Variants in NELL1 observed in about 807,000 individuals in gnomAD.
NELL1 encodes the protein neural EGFL like 1.
NELL1 carries 76 observed loss-of-function variants against 107.4 expected under a neutral mutation model. That is an observed-to-expected ratio of 0.71 (90% CI 0.59 to 0.86). NELL1 has a LOEUF of 0.86. Among genes scored for constraint, NELL1 ranks in the 40% least tolerant of loss-of-function variants. NELL1 has a pLI of 0.00. For missense variants in NELL1, 1,024 were observed against 1,005.5 expected, an observed-to-expected ratio of 1.02 and a Z score of -0.25; for synonymous variants, 353 against 341.2, an observed-to-expected ratio of 1.03 and a Z score of -0.38.
At chr11:20,691,752 G>T (rs139040914) in intron 2 of NELL1, among the ~76,000 whole-genome samples, 15 of 151,344 alleles carry the variant, frequency 9.9e-5, no homozygotes, top group Non-Finnish European at 1.9e-4. Flanking sequence ...TCTCTTTTTT[G>T]GTTGTGTCTC....
chr11:20,915,478 CA>C (rs1850224943), intron 5 of NELL1, among the ~76,000 whole-genome samples: 1 of 149,842 alleles, frequency 6.7e-6, no homozygotes, highest in Non-Finnish European at 1.5e-5. Flanking sequence ...GAAACACTGC[CA>C]AAATGAATAA....
chr11:20,737,969 G>T (rs1324339861), intron 2 of NELL1, among the ~76,000 whole-genome samples: 2 of 150,322 alleles, frequency 1.3e-5, no homozygotes, highest in Non-Finnish European at 3.0e-5. Context: ...TAAGGGCCCT[G>T]AGTTTAGCTT....
At chr11:21,460,081 G>A (rs1853861716) in intron 15 of NELL1, among the ~76,000 whole-genome samples, 1 of 152,144 alleles carries the variant, frequency 6.6e-6, no homozygotes, top group Non-Finnish European at 1.5e-5. Flanking sequence ...CTGTGAAGAG[G>A]TGGAGGATGT....
chr11:20,899,707 T>C (rs4293115), intron 5 of NELL1, among the ~76,000 whole-genome samples: 87,101 of 151,882 alleles, frequency 0.57, 29,676 homozygotes, highest in Non-Finnish European at 0.77. Flanking sequence ...GAAAATACAC[T>C]GGGAAGTTTG....
chr11:20,755,550 G>GTTTTTTTTTTTTTTTTTTTTTTTTT (rs1226891368), intron 2 of NELL1, among the ~76,000 whole-genome samples: 5 of 114,544 alleles, frequency 4.4e-5, no homozygotes, highest in African/African-American at 2.2e-4. Flanking sequence ...GTTTTTTTTT[G>GTTTTTTTTTTTTTTTTTTTTTTTTT]TTTTTGTTTT....
chr11:21,152,468 T>G (rs1856140501), intron 13 of NELL1, among the ~76,000 whole-genome samples: 1 of 152,198 alleles, frequency 6.6e-6, no homozygotes, highest in Non-Finnish European at 1.5e-5. Flanking sequence ...AGTATGTTTT[T>G]GAAAAATTCA....
intron 15 of NELL1, among the ~76,000 whole-genome samples, chr11:21,527,048 AC>A (rs1442382951): frequency 1.3e-5 from 2 of 152,104 alleles, no homozygotes; most frequent in East Asian, 3.9e-4. Flanking sequence ...AATTTTTCAA[AC>A]TTTTATGCTC....
At chr11:20,818,614 G>A (rs187105762) in intron 3 of NELL1, among the ~76,000 whole-genome samples, 57 of 152,114 alleles carry the variant, frequency 3.7e-4, no homozygotes, top group Non-Finnish European at 6.3e-4. Flanking sequence ...CTTACCTTTA[G>A]TATTACTTCA....
rs1849535625 is a variant in NELL1, at chr11:21,303,175, A to G, written c.1550-67678A>G. Reference sequence around the variant, plus strand: ...TAGATAGATAAATAGAAACAAATAAATAACAGTGTAAGACATGGGCCGTTC... The same window carrying G: ...TAGATAGATAAATAGAAACAAATAAGTAACAGTGTAAGACATGGGCCGTTC... On this transcript the variant is annotated intron_variant, in intron 14 of 19. Transcript: ENST00000357134. Among the ~76,000 whole-genome samples the G allele has an allele frequency of 2.6e-5, 4 of 152,154 alleles. No individual in the cohort carries two copies. The South Asian group carries it at 8.3e-4, about 32-fold the overall frequency.
chr11:21,487,746 TA>T, intron 15 of NELL1, among the ~76,000 whole-genome samples: 1 of 152,166 alleles, frequency 6.6e-6, no homozygotes, highest in South Asian at 2.1e-4. Flanking sequence ...GAATGGATTT[TA>T]AAAAGCTATA....
At chr11:21,359,896 C>T (rs1851031584) in intron 14 of NELL1, among the ~76,000 whole-genome samples, 1 of 152,040 alleles carries the variant, frequency 6.6e-6, no homozygotes, top group Admixed American at 6.6e-5. Context: ...TGGTTAATAT[C>T]ACTAATGTTC....
At chr11:20,760,390 T>A (rs1485926090) in intron 2 of NELL1, among the ~76,000 whole-genome samples, 3 of 152,222 alleles carry the variant, frequency 2.0e-5, no homozygotes, top group Admixed American at 2.0e-4. Context: ...ATGCCACTGA[T>A]CAGCCAGCTT....
At chr11:21,196,395 T>C (rs1444204261) in intron 13 of NELL1, among the ~76,000 whole-genome samples, 1 of 152,150 alleles carries the variant, frequency 6.6e-6, no homozygotes. Context: ...TCCCATTTTC[T>C]CACTCCACTT....
intron 12 of NELL1, among the ~76,000 whole-genome samples, chr11:21,022,929 G>A (rs555870606): frequency 3.3e-5 from 5 of 152,050 alleles, no homozygotes; most frequent in African/African-American, 7.2e-5. Flanking sequence ...AAACAGGCAG[G>A]ACCCTAGGGG....
intron 14 of NELL1, among the ~76,000 whole-genome samples, chr11:21,327,144 G>A (rs1172561327): frequency 1.5e-5 from 2 of 129,480 alleles, no homozygotes; most frequent in African/African-American, 5.8e-5. Flanking sequence ...GTGACAGTGA[G>A]TTCTCATGAG....
chr11:21,237,055 C>G (rs1449307370), intron 14 of NELL1, among the ~76,000 whole-genome samples: 1 of 152,024 alleles, frequency 6.6e-6, no homozygotes, highest in Non-Finnish European at 1.5e-5. Flanking sequence ...GCTTTTTACC[C>G]CTTTTCCTGA....
At chr11:20,990,673 T>C (rs745378888) in intron 12 of NELL1, among the ~76,000 whole-genome samples, 4 of 152,194 alleles carry the variant, frequency 2.6e-5, no homozygotes, top group Non-Finnish European at 5.9e-5. Flanking sequence ...TAGTGACTCA[T>C]ACCACATTAT....
At chr11:20,695,692 T>C (rs1006660166) in intron 2 of NELL1, among the ~76,000 whole-genome samples, 5 of 152,252 alleles carry the variant, frequency 3.3e-5, no homozygotes, top group African/African-American at 9.6e-5. Context: ...TGTTGAAGAA[T>C]TTTGTGTCTA....
At chr11:21,033,108 A>T (rs1053394484) in intron 12 of NELL1, among the ~76,000 whole-genome samples, 4 of 152,060 alleles carry the variant, frequency 2.6e-5, no homozygotes, top group African/African-American at 9.7e-5. Flanking sequence ...TCCTTTGTAG[A>T]TGATGCTTTT....
Sources: allele counts gnomAD v4.1 joint callset (sites outside exome capture counted in the v4.1 genomes callset), GRCh38; gene constraint gnomAD v4.1.1; transcripts MANE v1.5; gene names NCBI Gene and HGNC (gene_info 2026-07-23, HGNC 2026-07-21).